The following RBM38 variants were observed in gnomAD, a reference collection of about 807,000 sequenced individuals.
RBM38 encodes RNA binding motif protein 38, also known as RNA-binding protein 38.
In RBM38, 11 loss-of-function variants were observed where a neutral mutation model predicts 23.5. The observed-to-expected ratio is 0.47, with a 90% confidence interval of 0.29 to 0.77. RBM38 has a LOEUF of 0.77. Ranked by LOEUF, RBM38 falls within the 30% of genes least tolerant of loss-of-function variation. The probability of loss-of-function intolerance (pLI) is 0.08; values close to 1 mark genes in which losing one functional copy is unlikely to be tolerated. For missense variants in RBM38, 330 were observed against 351.9 expected (o/e 0.94, Z 0.50); for synonymous variants, 165 against 166.1 (o/e 0.99, Z 0.05).
chr20:57,403,309 G>T (rs915451570), intron 3 of RBM38, among the ~76,000 whole-genome samples: 1 of 152,224 alleles, frequency 6.6e-6, no homozygotes, highest in African/African-American at 2.4e-5. Flanking sequence ...TCAGACAAGT[G>T]CAGGGGCGAG....
Position 57,407,934 on chromosome 20 carries a change from T to C in RBM38, c.*88T>C. 6.9e-7 allele frequency: 1 copy of C among 1,443,272 alleles called. No individual in the cohort carries two copies. Among genetic ancestry groups the C allele is most frequent in the Non-Finnish European group, 9.2e-7 (1 of 1,084,610 alleles). 89.4% of individuals were successfully genotyped at this position (1,443,272 alleles called of 1,614,324 possible). ...CATGATGGGCTGGCGACAGCCCGGC[T>C]GAGCTTCAGTGAGGTGCCACCAGCA... On this transcript the variant is annotated 3_prime_UTR_variant, in exon 4 of 4. Coordinates refer to ENST00000356208, the MANE Select transcript of RBM38 (RefSeq NM_017495.6). This position sits in a 1 kb window ranked among gnomAD's most constrained non-coding sequence, Gnocchi z 4.0.
intron 3 of RBM38, among the ~76,000 whole-genome samples, chr20:57,396,842 TC>T (rs2067279735): frequency 6.6e-6 from 1 of 152,092 alleles, no homozygotes; most frequent in Non-Finnish European, 1.5e-5. Context: ...GCTCCAGACA[TC>T]CCACCCACGT....
chr20:57,401,574 T>C (rs897974676), intron 3 of RBM38, among the ~76,000 whole-genome samples: 4 of 152,208 alleles, frequency 2.6e-5, no homozygotes, highest in Non-Finnish European at 5.9e-5. Context: ...GCTGGGGCAC[T>C]TGGGACGCAG....
chr20:57,407,495 A>T lies in RBM38; in HGVS notation c.417-48A>T, dbSNP rs1055562712. 1 of 1,583,988 alleles carries T rather than the reference A, an allele frequency of 6.3e-7. No individual in the cohort carries two copies. The highest frequency in any genetic ancestry group is 1.7e-5 in the Admixed American group (1 of 58,546). The stretch of plus-strand genomic sequence containing the variant: ...TGTACCCCACTGTTCTCCCAGCTGT[A>T]TTCCCCAACTCCGTTCTGGCCCTAA... On this transcript the variant is annotated intron_variant, in intron 3 of 3. Transcript: ENST00000356208. This position sits in a 1 kb window ranked among gnomAD's most constrained non-coding sequence, Gnocchi z 4.0.
intron 3 of RBM38, among the ~76,000 whole-genome samples, chr20:57,402,505 A>G (rs1427439857): frequency 6.6e-6 from 1 of 152,200 alleles, no homozygotes; most frequent in Non-Finnish European, 1.5e-5. Flanking sequence ...GAGTCCCACC[A>G]GGGCCAGGCA....
rs2067216535 is a variant in RBM38 at position 57,391,701 on chromosome 20, C to T, written c.120C>T (p.Gly40=). Residue 40 remains glycine (G), a synonymous_variant, in exon 1 of 4, where the codon GGC becomes GGT. Transcript: ENST00000356208. ...DTTFTKIFVG[G]LPYHTTDASL... The stretch of plus-strand genomic sequence containing the variant: ...CGTTCACCAAGATCTTCGTGGGCGG[C>T]CTGCCGTACCACACTACCGACGCCT... 2 of 1,522,184 alleles carry T rather than the reference C, an allele frequency of 1.3e-6. No homozygotes were observed. Among genetic ancestry groups the T allele is most frequent in the Non-Finnish European group, 8.8e-7 (1 of 1,132,778 alleles). The allele number at this position is 1,522,184 out of a possible 1,614,324, so 94.3% of individuals were successfully genotyped here. A position where few individuals can be genotyped will look rare whatever the true frequency, so the allele number is the denominator to read the frequency against.
At chr20:57,392,922 T>TC (rs1052116365) in intron 2 of RBM38, 145 bp downstream of exon 2, 83 of 1,123,554 alleles carry the variant, frequency 7.4e-5, no homozygotes, top group East Asian at 6.9e-4. Flanking sequence ...AGGGCAGCCA[T>TC]CCCCCCCTCG....
At chr20:57,393,966 A>G (rs1224517524) in intron 3 of RBM38, among the ~76,000 whole-genome samples, 1 of 152,010 alleles carries the variant, frequency 6.6e-6, no homozygotes, top group Non-Finnish European at 1.5e-5. Context: ...AACATCTAGT[A>G]AGTCCTGGCA....
intron 3 of RBM38, among the ~76,000 whole-genome samples, chr20:57,401,157 G>T (rs900607597): frequency 6.6e-6 from 1 of 152,220 alleles, no homozygotes; most frequent in Non-Finnish European, 1.5e-5. Context: ...TCCTAGGAGA[G>T]GGAGGGCCTC....
intron 3 of RBM38, among the ~76,000 whole-genome samples, chr20:57,397,290 C>G (rs2067283719): frequency 6.6e-6 from 1 of 152,232 alleles, no homozygotes; most frequent in Non-Finnish European, 1.5e-5. Flanking sequence ...AGGCTTAGAG[C>G]AACTGAGAGA....
At chr20:57,405,309 T>C (rs752865924) in intron 3 of RBM38, among the ~76,000 whole-genome samples, 3 of 152,306 alleles carry the variant, frequency 2.0e-5, no homozygotes, top group African/African-American at 4.8e-5. Flanking sequence ...CTGGCAGATA[T>C]GTGAGAAAGG....
intron 3 of RBM38, among the ~76,000 whole-genome samples, chr20:57,396,817 A>G (rs561773116): frequency 1.3e-5 from 2 of 152,218 alleles, no homozygotes; most frequent in Non-Finnish European, 2.9e-5. Flanking sequence ...TCATGGTCAC[A>G]AGATGACTGC....
At position 57,400,905 on chromosome 20, in the gene RBM38, A is replaced by G. The variant is rs537922149; in HGVS notation, c.417-6638A>G. On this transcript the variant is annotated intron_variant, in intron 3 of 3. Transcript: ENST00000356208. ...GTTACAGCTGGGCTGTGGCTCTGCAACCCTGGGGAGCGCGTGGGACTCCAG... is the reference window on the plus strand; with the variant it reads ...GTTACAGCTGGGCTGTGGCTCTGCAGCCCTGGGGAGCGCGTGGGACTCCAG... Among the ~76,000 whole-genome samples, 21 of 152,110 alleles carry G rather than the reference A, an allele frequency of 1.4e-4. No homozygotes were observed. In the East Asian group the frequency reaches 2.9e-3, roughly 21 times the overall value.
chr20:57,397,687 T>C (rs528143471), intron 3 of RBM38, among the ~76,000 whole-genome samples: 3 of 152,226 alleles, frequency 2.0e-5, no homozygotes, highest in Non-Finnish European at 4.4e-5. Flanking sequence ...GAGCATGGGA[T>C]GCACAAGCTG....
intron 3 of RBM38, among the ~76,000 whole-genome samples, chr20:57,398,338 C>T: frequency 6.6e-6 from 1 of 152,180 alleles, no homozygotes; most frequent in Admixed American, 6.5e-5. Flanking sequence ...GAAATGGGCC[C>T]TGTTGGCTTC....
Position 57,407,195 on chromosome 20 carries a change from C to T in RBM38, c.417-348C>T, listed in dbSNP as rs369406011. The stretch of plus-strand genomic sequence containing the variant: ...TGCTCTTGATCGCATGCTCCGCCGT[C>T]GTGGCTTCAAACTCTCAATCATTTG... On this transcript the variant is annotated intron_variant, in intron 3 of 3. Transcript: ENST00000356208. This position sits in a 1 kb window ranked among gnomAD's most constrained non-coding sequence, Gnocchi z 4.0. Among the ~76,000 whole-genome samples the T allele has an allele frequency of 5.9e-5, 9 of 152,224 alleles. No individual in the cohort carries two copies. The East Asian group carries it at 7.7e-4, about 13-fold the overall frequency.
At position 57,393,353 on chromosome 20, in the gene RBM38, T is replaced by G. The variant is rs565579544; in HGVS notation, c.416+20T>G. 3.1e-6 allele frequency: 5 copies of G among 1,613,008 alleles called. No individual in the cohort carries two copies. The highest frequency in any genetic ancestry group is 4.2e-6 in the Non-Finnish European group (5 of 1,179,104). On this transcript the variant is annotated intron_variant, in intron 3 of 3. Transcript: ENST00000356208. ...TTACGGGTGAGTGGACATGGCTGGC[T>G]TGGGGTGGGTAGTCCGTGGAGATGA...
intron 1 of RBM38, among the ~76,000 whole-genome samples, 199 bp downstream of exon 1, chr20:57,392,017 C>CGCCCCT (rs1555836549): frequency 2.5e-5 from 2 of 80,834 alleles, no homozygotes; most frequent in Non-Finnish European, 5.3e-5. Context: ...CCCCGGCCCC[C>CGCCCCT]ACCCCCACCC....
intron 3 of RBM38, among the ~76,000 whole-genome samples, chr20:57,398,385 G>A (rs1568808727): frequency 6.6e-6 from 1 of 152,160 alleles, no homozygotes; most frequent in Non-Finnish European, 1.5e-5. Flanking sequence ...AGGGTGACAG[G>A]CCAGCTGCAG....
Sources: allele counts gnomAD v4.1 joint callset (sites outside exome capture counted in the v4.1 genomes callset), GRCh38; gene constraint gnomAD v4.1.1; non-coding constraint Gnocchi (gnomAD v3.1); transcripts MANE v1.5; gene names NCBI Gene and HGNC (gene_info 2026-07-23, HGNC 2026-07-21).